Variants in CACNA1G observed in about 807,000 individuals in gnomAD.
CACNA1G encodes calcium voltage-gated channel subunit alpha1 G.
CACNA1G carries 67 observed loss-of-function variants against 219.4 expected under a neutral mutation model. That is an observed-to-expected ratio of 0.31 (90% confidence interval 0.25 to 0.37). The LOEUF (loss-of-function observed/expected upper bound fraction) is 0.37. Ranked by LOEUF, CACNA1G falls within the 10% of genes least tolerant of loss-of-function variation. The pLI, the probability that CACNA1G is intolerant of heterozygous loss-of-function variation, is 1.00. For synonymous variants in CACNA1G, 1,296 were observed against 1,345.3 expected (o/e 0.96, Z 0.80); for missense variants, 2,380 against 3,231.4 (o/e 0.74, Z 6.39).
chr17:50,562,434 G>A (rs868373615), intron 1 of CACNA1G, among the ~76,000 whole-genome samples: 1 of 151,958 alleles, frequency 6.6e-6, no homozygotes, highest in African/African-American at 2.4e-5. Context: ...TCTGCCCCCG[G>A]AGCTGGGAGT....
chr17:50,622,561 A>G (rs2052427034), intron 35 of CACNA1G, among the ~76,000 whole-genome samples: 2 of 151,946 alleles, frequency 1.3e-5, no homozygotes, highest in South Asian at 2.1e-4. Flanking sequence ...AAGCAAAATA[A>G]GATTGTCCTC....
At chr17:50,569,078 T>G in intron 2 of CACNA1G, 87 bp from the exon 3 acceptor site, 1 of 1,558,332 alleles carries the variant, frequency 6.4e-7, no homozygotes. Flanking sequence ...CAAGAGGCCC[T>G]GACCCAACTG....
chr17:50,584,405 G>T (rs1181716555), intron 9 of CACNA1G, among the ~76,000 whole-genome samples: 1 of 152,076 alleles, frequency 6.6e-6, no homozygotes, highest in Non-Finnish European at 1.5e-5. Context: ...AGGCTCAGCT[G>T]CTGCTGAGGC....
Position 50,610,088 on chromosome 17 carries a change from C to A in CACNA1G, c.4759+153C>A, listed in dbSNP as rs144024297. On this transcript the variant is annotated intron_variant, in intron 26 of 37. Transcript: ENST00000359106. ...CTGAAGCGCTGGGCTCTGCAGCATC[C>A]CGCAGGCCTGCGCCAAACTGGACGG... is the stretch of plus-strand genomic sequence containing the variant. Among the ~76,000 whole-genome samples the A allele has an allele frequency of 2.4e-3, 360 of 152,296 alleles. 3 individuals are homozygous for A. The highest frequency in any genetic ancestry group is 8.5e-3 in the African/African-American group (353 of 41,574).
In CACNA1G at chr17:50,591,927, C is replaced by T; in HGVS notation, c.2755-10C>T. Reference sequence around the variant, plus strand: ...TAGTATAGGCCCTGATTCCTGTCTTCTGCCCGCAGATCCTGACCCAGGAGG... The same window carrying T: ...TAGTATAGGCCCTGATTCCTGTCTTTTGCCCGCAGATCCTGACCCAGGAGG... On this transcript the variant is annotated splice_polypyrimidine_tract_variant and intron_variant, in intron 12 of 37. Coordinates refer to ENST00000359106, the MANE Select transcript of CACNA1G (RefSeq NM_018896.5). 2.5e-6 allele frequency: 4 copies of T among 1,613,942 alleles called. No homozygotes were observed. The highest frequency in any genetic ancestry group is 1.3e-5 in the African/African-American group (1 of 75,056).
chr17:50,571,960 C>T lies in CACNA1G; in HGVS notation c.669C>T (p.Phe223=), dbSNP rs1248212683. 9.9e-6 allele frequency: 16 copies of T among 1,613,984 alleles called. No homozygotes were observed. Among genetic ancestry groups the T allele is most frequent in the Non-Finnish European group, 1.4e-5 (16 of 1,179,852 alleles). Residue 223 remains phenylalanine, a synonymous_variant, in exon 5 of 38, where the codon TTC becomes TTT. Transcript: ENST00000359106. The surrounding 1 kb of genome is among the most constrained non-coding windows in gnomAD (Gnocchi z 4.3). ...TGCTGCTCTGCTTCTTCGTCTTCTT[C>T]ATCTTCGGCATCGTCGGCGTCCAGC... ...NVLLLCFFVF[F]IFGIVGVQLW... is the part of the protein sequence containing the mutation.
chr17:50,599,281 C>A, intron 16 of CACNA1G, 147 bp from the exon 17 acceptor site: 1 of 737,354 alleles, frequency 1.4e-6, no homozygotes, highest in Non-Finnish European at 2.1e-6. Context: ...GAGCCAGGAT[C>A]TGAACCCAGG....
In CACNA1G at chr17:50,600,986, G is replaced by C; in HGVS notation, c.3792-65G>C. 6.3e-7 allele frequency: 1 copy of C among 1,597,354 alleles called. No individual in the cohort carries two copies. Among genetic ancestry groups the C allele is most frequent in the South Asian group, 1.1e-5 (1 of 89,904 alleles). On this transcript the variant is annotated intron_variant, in intron 18 of 37. Transcript: ENST00000359106. The surrounding 1 kb of genome is among the most constrained non-coding windows in gnomAD (Gnocchi z 4.1). ...GGCACTGGAGGGGCAGGGGCTGCGG[G>C]CGGTGCCTCTCGTTGCCACCTGCCC...
intron 13 of CACNA1G, among the ~76,000 whole-genome samples, chr17:50,594,370 G>A (rs2045047343): frequency 6.6e-6 from 1 of 152,208 alleles, no homozygotes; most frequent in South Asian, 2.1e-4. Context: ...GATCTGTTCT[G>A]ATCTGAAGGG....
chr17:50,591,669 G>T, intron 11 of CACNA1G, 49 bp downstream of exon 11: 3 of 1,609,786 alleles, frequency 1.9e-6, no homozygotes, highest in Non-Finnish European at 2.5e-6. Flanking sequence ...CCAGGCTGGG[G>T]GCAGGAGGGC....
At position 50,623,350 on chromosome 17, in the gene CACNA1G, G is replaced by A. The variant is rs970187165; in HGVS notation, c.6061-557G>A. On this transcript the variant is annotated intron_variant, in intron 35 of 37. Transcript: ENST00000359106. ...TGGTCTCAAACTCCTGAGCTCAAGC[G>A]ATCTGCCCACCTTGGCCTCCCAAAG... 6.5e-5 allele frequency among the ~76,000 whole-genome samples: 9 copies of A among 138,804 alleles called. No individual in the cohort carries two copies. The East Asian group carries it at 1.7e-3, about 26-fold the overall frequency. 91.1% of individuals were successfully genotyped at this position (138,804 alleles called of 152,430 possible). A position where few individuals can be genotyped will look rare whatever the true frequency, so the allele number is the denominator to read the frequency against.
chr17:50,624,673 C>A (rs751723483), intron 37 of CACNA1G, 144 bp downstream of exon 37: 28 of 868,250 alleles, frequency 3.2e-5, no homozygotes, highest in Non-Finnish European at 4.7e-5. Context: ...ATACCAGGGA[C>A]ACAGTACTGG....
In CACNA1G at chr17:50,596,853, G is replaced by C. The variant is rs769458368; in HGVS notation, c.3188G>C (p.Gly1063Ala). Residue 1063 changes from glycine (G) to alanine (A), a missense_variant, in exon 16 of 38, where the codon GGC becomes GCC. Coordinates refer to ENST00000359106, the MANE Select transcript of CACNA1G (RefSeq NM_018896.5). The surrounding 1 kb of genome is among the most constrained non-coding windows in gnomAD (Gnocchi z 4.8). ...AGCACGGGCCTGGGCGAGGCGCTGG[G>C]CCCTGCGTCGCGCCGCACCAGCAGC... ...STSTGLGEAL[G>A]PASRRTSSSG... The C allele has an allele frequency of 8.8e-6, 14 of 1,599,386 alleles. No homozygotes were observed. The highest frequency in any genetic ancestry group is 1.7e-5 in the Admixed American group (1 of 58,526).
At chr17:50,593,537 C>A (rs1417764401) in intron 13 of CACNA1G, among the ~76,000 whole-genome samples, 1 of 152,252 alleles carries the variant, frequency 6.6e-6, no homozygotes, top group Non-Finnish European at 1.5e-5. Flanking sequence ...AGCTGAGCGG[C>A]CTGGTTGCTA....
chr17:50,605,826 G>T, intron 22 of CACNA1G, 72 bp from the exon 23 acceptor site: 3 of 1,566,488 alleles, frequency 1.9e-6, no homozygotes, highest in Non-Finnish European at 2.6e-6. Flanking sequence ...TGGCGTGGGG[G>T]TGGGGCTCAG....
chr17:50,614,970 C>T (rs968563829), intron 26 of CACNA1G, among the ~76,000 whole-genome samples: 5 of 152,336 alleles, frequency 3.3e-5, no homozygotes, highest in African/African-American at 7.2e-5. Flanking sequence ...CCGTTGATGG[C>T]GCGTCCTCTG....
intron 1 of CACNA1G, among the ~76,000 whole-genome samples, chr17:50,564,519 G>T (rs1276409461): frequency 6.8e-6 from 1 of 146,310 alleles, no homozygotes; most frequent in Non-Finnish European, 1.5e-5. Context: ...GGGAGGAGAG[G>T]GGGGGGAGGC....
intron 9 of CACNA1G, among the ~76,000 whole-genome samples, chr17:50,589,556 A>G (rs2043719839): frequency 6.6e-6 from 1 of 152,002 alleles, no homozygotes; most frequent in Admixed American, 6.5e-5. Context: ...TAGGCACTTC[A>G]TATTGAAAGC....
chr17:50,570,028 C>T (rs1424788190), intron 4 of CACNA1G, among the ~76,000 whole-genome samples: 1 of 152,186 alleles, frequency 6.6e-6, no homozygotes, highest in East Asian at 1.9e-4. Context: ...GGCTTTAGGT[C>T]AGAGTCTCAG....
Sources: allele counts gnomAD v4.1 joint callset (sites outside exome capture counted in the v4.1 genomes callset), GRCh38; gene constraint gnomAD v4.1.1; non-coding constraint Gnocchi (gnomAD v3.1); transcripts MANE v1.5; gene names NCBI Gene and HGNC (gene_info 2026-07-23, HGNC 2026-07-21).